Variants in DLG2 observed in about 807,000 individuals in gnomAD.
DLG2 encodes discs large MAGUK scaffold protein 2.
In DLG2, 45 loss-of-function variants were observed where a neutral mutation model predicts 132.5. The ratio of observed to expected loss-of-function variants is 0.34; its 90% CI spans 0.27 to 0.44. The LOEUF is 0.44. Among genes scored for constraint, DLG2 ranks in the 20% least tolerant of loss-of-function variants. The pLI is 1.00. For missense variants in DLG2, 1,045 were observed against 1,196.9 expected (o/e 0.87, Z 1.87); for synonymous variants, 424 against 419.6 (o/e 1.01, Z -0.13).
chr11:85,015,035 C>A (rs1276424890), intron 6 of DLG2, among the ~76,000 whole-genome samples: 1 of 152,082 alleles, frequency 6.6e-6, no homozygotes, highest in Non-Finnish European at 1.5e-5. Flanking sequence ...TTTTAAGCCT[C>A]CCCTCTTGAC....
At chr11:85,007,664 C>CAAAA (rs57188165) in intron 6 of DLG2, among the ~76,000 whole-genome samples, 15 of 88,534 alleles carry the variant, frequency 1.7e-4, no homozygotes, top group Non-Finnish European at 2.4e-4. Context: ...GACTCCGTCT[C>CAAAA]AAAAAAAAAA....
intron 15 of DLG2, among the ~76,000 whole-genome samples, chr11:83,882,033 A>C (rs778349643): frequency 6.6e-6 from 1 of 152,164 alleles, no homozygotes; most frequent in African/African-American, 2.4e-5. Context: ...TCTTACCTAC[A>C]TTTAAAGAAA....
chr11:84,809,847 T>G (rs1404492432), intron 6 of DLG2, among the ~76,000 whole-genome samples: 1 of 151,948 alleles, frequency 6.6e-6, no homozygotes, highest in Non-Finnish European at 1.5e-5. Context: ...TTTCAACACT[T>G]ACAGAGCTAC....
intron 10 of DLG2, among the ~76,000 whole-genome samples, chr11:84,069,652 T>A (rs1173120409): frequency 6.6e-6 from 1 of 152,230 alleles, no homozygotes; most frequent in Non-Finnish European, 1.5e-5. Flanking sequence ...CCCCTCTATT[T>A]GCCACTTCAT....
At position 84,653,308 on chromosome 11, in the gene DLG2, A is replaced by C. The variant is rs182753341; in HGVS notation, c.358-118577T>G. 2.0e-5 allele frequency among the ~76,000 whole-genome samples: 3 copies of C among 152,298 alleles called. No homozygotes were observed. The East Asian group carries it at 5.8e-4, about 29-fold the overall frequency. ...TAGAAAGAAATTCAGAGCAGTTTCA[A>C]TTCTAACTGAAGGCTCTTTCAAAAA... On this transcript the variant is annotated intron_variant, in intron 6 of 27. Transcript: ENST00000376104.
chr11:85,435,283 T>C (rs2091415940), intron 3 of DLG2, among the ~76,000 whole-genome samples: 1 of 152,104 alleles, frequency 6.6e-6, no homozygotes, highest in Admixed American at 6.6e-5. Context: ...TTCTCACCAC[T>C]CCTATTCAAC....
At chr11:84,159,839 G>A (rs2154259557) in intron 9 of DLG2, among the ~76,000 whole-genome samples, 1 of 152,206 alleles carries the variant, frequency 6.6e-6, no homozygotes, top group African/African-American at 2.4e-5. Flanking sequence ...GACTGATTTT[G>A]TAATATATTT....
At chr11:83,588,423 CCTCT>C (rs1364335034) in intron 19 of DLG2, among the ~76,000 whole-genome samples, 1 of 152,060 alleles carries the variant, frequency 6.6e-6, no homozygotes, top group Admixed American at 6.5e-5. Flanking sequence ...AGCTGAGGGT[CCTCT>C]CTGTTAGAAG....
intron 3 of DLG2, among the ~76,000 whole-genome samples, chr11:85,346,552 G>T (rs1424269313): frequency 1.3e-5 from 2 of 152,076 alleles, no homozygotes; most frequent in Non-Finnish European, 2.9e-5. Context: ...AATTAAGAAT[G>T]CCTTTGTTCT....
chr11:85,460,073 C>T (rs1181072673), intron 3 of DLG2, among the ~76,000 whole-genome samples: 1 of 152,178 alleles, frequency 6.6e-6, no homozygotes, highest in Non-Finnish European at 1.5e-5. Flanking sequence ...TGCAGAGCTG[C>T]TACCAGCCCA....
chr11:83,996,611 A>G (rs1210514131), intron 11 of DLG2, among the ~76,000 whole-genome samples: 1 of 152,212 alleles, frequency 6.6e-6, no homozygotes, highest in Admixed American at 6.5e-5. Context: ...TATGGTACAC[A>G]TACACAATGG....
intron 6 of DLG2, among the ~76,000 whole-genome samples, chr11:84,851,484 G>T (rs1463175906): frequency 6.6e-6 from 1 of 152,010 alleles, no homozygotes; most frequent in Non-Finnish European, 1.5e-5. Context: ...TGTGGCTTCA[G>T]CCCCCACTGT....
intron 7 of DLG2, among the ~76,000 whole-genome samples, chr11:84,263,465 A>G (rs1252124136): frequency 6.6e-6 from 1 of 152,188 alleles, no homozygotes; most frequent in African/African-American, 2.4e-5. Context: ...CTGTTGTTCT[A>G]TGTTCATAGT....
At chr11:83,811,297 T>C (rs535945037) in intron 17 of DLG2, among the ~76,000 whole-genome samples, 23 of 152,264 alleles carry the variant, frequency 1.5e-4, no homozygotes, top group African/African-American at 5.5e-4. Flanking sequence ...AAATTCATTT[T>C]TTCTGGACTA....
At position 85,584,138 on chromosome 11, in the gene DLG2, A is replaced by G. The variant is rs565664980; in HGVS notation, c.40+14519T>C. ...AGTGTACTTGGGTACACTGTACCCA[A>G]TGTGTAGTCTTTTTTCCTTCACCCT... On this transcript the variant is annotated intron_variant, in intron 3 of 27. Coordinates refer to ENST00000376104, the MANE Select transcript of DLG2 (RefSeq NM_001142699.3). Among the ~76,000 whole-genome samples the G allele has an allele frequency of 5.3e-5, 8 of 152,102 alleles. No homozygotes were observed. The South Asian group carries it at 1.0e-3, about 20-fold the overall frequency.
intron 7 of DLG2, among the ~76,000 whole-genome samples, chr11:84,330,478 T>C (rs142619034): frequency 0.013 from 1,934 of 152,320 alleles, 18 homozygotes; most frequent in Middle Eastern, 0.024. Context: ...TTCTGTAGTT[T>C]TCCCATGGTC....
chr11:83,798,187 G>A (rs138030908), intron 17 of DLG2, among the ~76,000 whole-genome samples: 4 of 152,150 alleles, frequency 2.6e-5, no homozygotes, highest in African/African-American at 4.8e-5. Flanking sequence ...GTTTAGACCC[G>A]GGAAGGCCAG....
chr11:84,822,062 T>C (rs1309902779), intron 6 of DLG2, among the ~76,000 whole-genome samples: 3 of 151,616 alleles, frequency 2.0e-5, no homozygotes, highest in Non-Finnish European at 4.4e-5. Context: ...AGCAAAATTA[T>C]GAGAGAAAGC....
chr11:85,411,724 C>T (rs900068557), intron 3 of DLG2, among the ~76,000 whole-genome samples: 5 of 151,774 alleles, frequency 3.3e-5, no homozygotes, highest in Admixed American at 2.6e-4. Flanking sequence ...GAGTGATAAG[C>T]GGTGTTGAGG....
Sources: gnomAD v4.1 joint callset for allele counts (sites outside exome capture counted in the v4.1 genomes callset) on GRCh38, gnomAD v4.1.1 for gene constraint, MANE v1.5 for transcripts, NCBI Gene and HGNC (gene_info 2026-07-23, HGNC 2026-07-21) for gene names.